Variants in DNAJC8 observed in about 807,000 individuals in gnomAD.
DNAJC8 encodes dnaJ homolog subfamily C member 8.
A neutral mutation model predicts 43.2 loss-of-function variants in DNAJC8; 24 were observed. The observed-to-expected ratio is 0.56, with a 90% CI of 0.40 to 0.78. The LOEUF (loss-of-function observed/expected upper bound fraction) is 0.78. DNAJC8 is among the 30% of genes least tolerant of loss of function. The pLI is 0.00. For missense variants in DNAJC8, 207 were observed against 299.4 expected, an observed-to-expected ratio of 0.69 and a Z score of 2.28; for synonymous variants, 83 against 98.0, an observed-to-expected ratio of 0.85 and a Z score of 0.90.
At chr1:28,232,770 C>T (rs1399342567) in intron 1 of DNAJC8, 151 bp downstream of exon 1, 2 of 702,194 alleles carry the variant, frequency 2.8e-6, no homozygotes, top group Admixed American at 2.9e-5. Flanking sequence ...CAGTGGGAGA[C>T]GCTCACACAC....
chr1:28,208,250 A>G (rs1333161549), intron 6 of DNAJC8, 92 bp downstream of exon 6: 2 of 825,978 alleles, frequency 2.4e-6, no homozygotes, highest in Non-Finnish European at 3.8e-6. Context: ...AATAGCATAT[A>G]TTCATCATTC....
chr1:28,212,214 T>TAAAA (rs1257416375), intron 3 of DNAJC8, among the ~76,000 whole-genome samples: 2 of 113,542 alleles, frequency 1.8e-5, no homozygotes, highest in Admixed American at 1.0e-4. Context: ...TATATATATA[T>TAAAA]AAATGAAATT....
intron 2 of DNAJC8, among the ~76,000 whole-genome samples, chr1:28,224,176 A>T (rs563822949): frequency 6.6e-6 from 1 of 152,338 alleles, no homozygotes; most frequent in South Asian, 2.1e-4. Flanking sequence ...AATGAACTAA[A>T]ATTTTGATAT....
Position 28,232,976 on chromosome 1 carries a change from C to A in DNAJC8, c.23G>T (p.Gly8Val), listed in dbSNP as rs926564834. The change falls in exon 1 of 9, where the codon GGG (glycine) becomes GTG (valine). Residue 8 changes from glycine to valine, a missense_variant. Gly to Val is a moderately radical substitution (Grantham distance 109, BLOSUM62 -3). Coordinates refer to ENST00000263697, the MANE Select transcript of DNAJC8 (RefSeq NM_014280.3). MAASGES[G>V]TSGGGGSTEE... is the part of the protein sequence containing the mutation. The stretch of plus-strand genomic sequence containing the variant: ...GGTGCTGCCTCCGCCGCCTGAAGTC[C>A]CGCTCTCTCCTGAAGCCGCCATTTC... The A allele has an allele frequency of 3.0e-5, 48 of 1,612,824 alleles. No homozygotes were observed. The highest frequency in any genetic ancestry group is 4.1e-5 in the Non-Finnish European group (48 of 1,180,024).
chr1:28,232,402 A>T (rs1465782130), intron 1 of DNAJC8, among the ~76,000 whole-genome samples: 1 of 152,198 alleles, frequency 6.6e-6, no homozygotes, highest in South Asian at 2.1e-4. Context: ...ACATACCACC[A>T]AGCAAGCTGT....
At chr1:28,212,750 T>C (rs1415386939) in intron 3 of DNAJC8, among the ~76,000 whole-genome samples, 3 of 152,200 alleles carry the variant, frequency 2.0e-5, no homozygotes, top group African/African-American at 7.2e-5. Flanking sequence ...AATGGGAATC[T>C]AACGCTCCGT....
At chr1:28,206,250 T>G (rs893750572) in intron 6 of DNAJC8, among the ~76,000 whole-genome samples, 2 of 152,112 alleles carry the variant, frequency 1.3e-5, no homozygotes, top group Admixed American at 1.3e-4. Context: ...AAGCTATTAT[T>G]ATTTATTATT....
intron 5 of DNAJC8, among the ~76,000 whole-genome samples, chr1:28,209,171 G>A (rs1021404260): frequency 6.6e-6 from 1 of 152,200 alleles, no homozygotes; most frequent in Non-Finnish European, 1.5e-5. Context: ...GGGCCTACAA[G>A]TGCCATTTCC....
intron 1 of DNAJC8, 82 bp from the exon 2 acceptor site, chr1:28,229,105 T>G: frequency 8.7e-7 from 1 of 1,147,262 alleles, no homozygotes; most frequent in South Asian, 1.4e-5. Context: ...CACTGATATG[T>G]TCAACAAACA....
chr1:28,216,497 A>G (rs1646855616), intron 2 of DNAJC8, among the ~76,000 whole-genome samples: 1 of 152,254 alleles, frequency 6.6e-6, no homozygotes, highest in Admixed American at 6.5e-5. Context: ...TGATAAGATT[A>G]TAGCTTACAA....
At chr1:28,206,445 A>G (rs1470650927) in intron 6 of DNAJC8, among the ~76,000 whole-genome samples, 1 of 152,074 alleles carries the variant, frequency 6.6e-6, no homozygotes, top group Non-Finnish European at 1.5e-5. Context: ...CTAAGGTGGG[A>G]GGATCACTTG....
chr1:28,201,789 C>CAAA lies in DNAJC8; in HGVS notation c.640-422_640-420dup, dbSNP rs113275288. On this transcript the variant is annotated intron_variant, in intron 8 of 8. Transcript: ENST00000263697. ...GAACAACAAGAGCGAGACTTTGTAT[C>CAAA]AAAAAAAAAAAAAAGAAAAGAAAAA... Among the ~76,000 whole-genome samples, 25 of 111,378 alleles carry CAAA rather than the reference C, an allele frequency of 2.2e-4. 1 individual carries two copies. The highest frequency in any genetic ancestry group is 8.2e-4 in the African/African-American group (25 of 30,588). 73.1% of individuals were successfully genotyped at this position (111,378 alleles called of 152,430 possible). A position where few individuals can be genotyped will look rare whatever the true frequency, so the allele number is the denominator to read the frequency against.
chr1:28,221,198 G>A (rs1468210734), intron 2 of DNAJC8, among the ~76,000 whole-genome samples: 5 of 151,952 alleles, frequency 3.3e-5, no homozygotes, highest in African/African-American at 7.3e-5. Context: ...AATTAGCCGG[G>A]CGTGGTGGCG....
chr1:28,218,252 C>T (rs1646874341), intron 2 of DNAJC8, among the ~76,000 whole-genome samples: 1 of 151,680 alleles, frequency 6.6e-6, no homozygotes, highest in African/African-American at 2.4e-5. Context: ...TGTGCCACCA[C>T]GCCCGGCTCA....
chr1:28,212,168 A>AATAAAT (rs35950985), intron 3 of DNAJC8, among the ~76,000 whole-genome samples: 345 of 30,628 alleles, frequency 0.011, 4 homozygotes, highest in Non-Finnish European at 0.017. Context: ...TAAATAAATA[A>AATAAAT]ATATATATAT....
intron 2 of DNAJC8, among the ~76,000 whole-genome samples, chr1:28,220,566 T>C (rs489259): frequency 0.2 from 30,131 of 152,118 alleles, 4,903 homozygotes; most frequent in African/African-American, 0.45. Flanking sequence ...GTAACAAGTC[T>C]ATTCTTGAGA....
chr1:28,225,811 T>G (rs1446012907), intron 2 of DNAJC8, among the ~76,000 whole-genome samples: 3 of 150,568 alleles, frequency 2.0e-5, no homozygotes, highest in African/African-American at 7.3e-5. Context: ...TAAGTGATTC[T>G]TGGGCCTTAG....
At chr1:28,215,473 C>A (rs1462357217) in intron 2 of DNAJC8, among the ~76,000 whole-genome samples, 1 of 152,108 alleles carries the variant, frequency 6.6e-6, no homozygotes, top group African/African-American at 2.4e-5. Flanking sequence ...CAATGGCTGG[C>A]CCACTCTACG....
intron 3 of DNAJC8, among the ~76,000 whole-genome samples, chr1:28,214,461 G>T (rs1057466700): frequency 1.3e-5 from 2 of 152,172 alleles, no homozygotes; most frequent in Non-Finnish European, 2.9e-5. Flanking sequence ...TTGAACCCAG[G>T]AGGTGGAGGT....
Sources: gnomAD v4.1 joint callset for allele counts (sites outside exome capture counted in the v4.1 genomes callset) on GRCh38, gnomAD v4.1.1 for gene constraint, MANE v1.5 for transcripts, NCBI Gene and HGNC (gene_info 2026-07-23, HGNC 2026-07-21) for gene names.